Variants in PHACTR1 observed in about 807,000 individuals in gnomAD.
PHACTR1 encodes RPEL repeat containing 1.
In PHACTR1, 16 loss-of-function variants were observed where a neutral mutation model predicts 69.2. The observed-to-expected ratio is 0.23, with a 90% CI of 0.16 to 0.35. The LOEUF (loss-of-function observed/expected upper bound fraction) is 0.35, where lower values mean the gene tolerates loss of function less well. Ranked by LOEUF, PHACTR1 falls within the 10% of genes least tolerant of loss-of-function variation. The probability of loss-of-function intolerance (pLI) is 1.00; values close to 1 mark genes in which losing one functional copy is unlikely to be tolerated. For synonymous variants in PHACTR1, 312 were observed against 284.5 expected, an observed-to-expected ratio of 1.10 and a Z score of -0.97; for missense variants, 510 against 734.7, an observed-to-expected ratio of 0.69 and a Z score of 3.54.
chr6:12,799,566 C>A (rs1773464936), intron 4 of PHACTR1, among the ~76,000 whole-genome samples: 1 of 152,176 alleles, frequency 6.6e-6, no homozygotes, highest in Non-Finnish European at 1.5e-5. Flanking sequence ...AATTACATTT[C>A]TTTTGGGTTG....
chr6:12,998,759 A>C (rs916365116), intron 4 of PHACTR1, among the ~76,000 whole-genome samples: 3 of 152,210 alleles, frequency 2.0e-5, no homozygotes, highest in African/African-American at 7.2e-5. Context: ...GGTACTACAC[A>C]TAAAGCCAAA....
chr6:12,720,251 C>G (rs752722344), intron 3 of PHACTR1, among the ~76,000 whole-genome samples: 6 of 152,192 alleles, frequency 3.9e-5, no homozygotes, highest in African/African-American at 1.2e-4. Flanking sequence ...GTCCATTCGA[C>G]TGGAATGAGA....
intron 8 of PHACTR1, among the ~76,000 whole-genome samples, chr6:13,217,876 A>G (rs1305692387): frequency 6.6e-6 from 1 of 152,216 alleles, no homozygotes; most frequent in Non-Finnish European, 1.5e-5. Flanking sequence ...AGGCACTGCA[A>G]TTTGCAGCAT....
Position 13,051,704 on chromosome 6 carries a change from A to G in PHACTR1, c.251-1661A>G, listed in dbSNP as rs74540944. On this transcript the variant is annotated intron_variant, in intron 4 of 14. Transcript: ENST00000332995. ...CCTCGAGGTCTTCTCCAATGCTGTG[A>G]AGCAGAATTAGTTGCTCTCTCCTCT... Among the ~76,000 whole-genome samples, 13 of 152,320 alleles carry G rather than the reference A, an allele frequency of 8.5e-5. No homozygotes were observed. The East Asian group carries it at 2.3e-3, about 27-fold the overall frequency.
Position 12,876,219 on chromosome 6 carries a change from C to A in PHACTR1, c.250+126429C>A, listed in dbSNP as rs148518683. ...GGCTGGATTTCAGTCATACCTTCTGCAGAACCTCCTGATACAAGGAAAAAA... is the reference window on the plus strand; with the variant it reads ...GGCTGGATTTCAGTCATACCTTCTGAAGAACCTCCTGATACAAGGAAAAAA... On this transcript the variant is annotated intron_variant, in intron 4 of 14. Transcript: ENST00000332995. Among the ~76,000 whole-genome samples the A allele has an allele frequency of 6.8e-4, 104 of 152,322 alleles. 1 individual carries two copies. The highest frequency in any genetic ancestry group is 4.1e-3 in the South Asian group (20 of 4,828).
At chr6:13,200,136 GGCA>G (rs1463860008) in intron 7 of PHACTR1, among the ~76,000 whole-genome samples, 2 of 152,334 alleles carry the variant, frequency 1.3e-5, no homozygotes, top group East Asian at 3.9e-4. Context: ...CCCTGCCTCA[GGCA>G]GCACCATACA....
In PHACTR1 at chr6:13,278,325, G is replaced by A. The variant is rs759030690; in HGVS notation, c.1505G>A (p.Arg502Gln). The A allele has an allele frequency of 4.4e-6, 7 of 1,597,554 alleles. No individual in the cohort carries two copies. Among genetic ancestry groups the A allele is most frequent in the East Asian group, 2.3e-5 (1 of 44,284 alleles). Reference protein sequence around the residue: ...EKREIKRRLTRKLSQRPTVEE... With the variant: ...EKREIKRRLTQKLSQRPTVEE... ...AGAGAGATCAAGAGGAGGCTAACCC[G>A]AAAGGTAGGTGGTTCTCCATGCCAA... is the stretch of plus-strand genomic sequence containing the variant. Residue 502 changes from arginine (R) to glutamine (Q), a missense_variant, in exon 12 of 15, where the codon CGA (arginine) becomes CAA (glutamine). Around this residue, in one of 2 missense-constraint regions of PHACTR1, gnomAD observed 91 missense variants for 203.8 expected, o/e 0.45. Transcript: ENST00000332995.
chr6:13,020,916 A>G (rs554875550), intron 4 of PHACTR1, among the ~76,000 whole-genome samples: 1 of 152,254 alleles, frequency 6.6e-6, no homozygotes, highest in African/African-American at 2.4e-5. Context: ...GCCACATACC[A>G]AGGGCCTGGG....
At chr6:12,965,451 C>CATT (rs60864787) in intron 4 of PHACTR1, among the ~76,000 whole-genome samples, 5,993 of 131,932 alleles carry the variant, frequency 0.045, 465 homozygotes, top group African/African-American at 0.13. Context: ...TATTTTGTGC[C>CATT]TTTTTTTTTT....
chr6:12,953,292 C>T (rs1791511579), intron 4 of PHACTR1, among the ~76,000 whole-genome samples: 1 of 152,146 alleles, frequency 6.6e-6, no homozygotes, highest in Non-Finnish European at 1.5e-5. Context: ...CACTGCACTC[C>T]AGCCTGGGCA....
chr6:13,264,366 C>T (rs887277844), intron 10 of PHACTR1, among the ~76,000 whole-genome samples: 6 of 152,100 alleles, frequency 3.9e-5, no homozygotes, highest in African/African-American at 1.2e-4. Context: ...CTCCCTCCAC[C>T]CCCCACCATC....
At chr6:12,896,652 T>A (rs1233296953) in intron 4 of PHACTR1, among the ~76,000 whole-genome samples, 1 of 152,160 alleles carries the variant, frequency 6.6e-6, no homozygotes, top group Non-Finnish European at 1.5e-5. Context: ...GTAAACAAAG[T>A]AAACAGCAGA....
chr6:13,066,411 C>G (rs570409653), intron 5 of PHACTR1, among the ~76,000 whole-genome samples: 1 of 152,130 alleles, frequency 6.6e-6, no homozygotes, highest in African/African-American at 2.4e-5. Flanking sequence ...CTTATGGATG[C>G]GTAAGATGGA....
At chr6:13,122,593 G>T (rs140748524) in intron 5 of PHACTR1, among the ~76,000 whole-genome samples, 199 of 152,334 alleles carry the variant, frequency 1.3e-3, no homozygotes, top group African/African-American at 4.5e-3. Flanking sequence ...AGTGACAGTT[G>T]TTGAAATGGG....
intron 5 of PHACTR1, among the ~76,000 whole-genome samples, chr6:13,098,610 A>G (rs1344477520): frequency 6.6e-6 from 1 of 151,832 alleles, no homozygotes; most frequent in Non-Finnish European, 1.5e-5. Flanking sequence ...CTCATCATTC[A>G]CCTCCCAGAC....
intron 4 of PHACTR1, among the ~76,000 whole-genome samples, chr6:12,975,452 A>G (rs1723174718): frequency 6.6e-6 from 1 of 152,212 alleles, no homozygotes; most frequent in Admixed American, 6.5e-5. Context: ...TTTTTTCTCT[A>G]TATCCATTCT....
At chr6:12,820,507 A>G (rs764875056) in intron 4 of PHACTR1, among the ~76,000 whole-genome samples, 5 of 152,164 alleles carry the variant, frequency 3.3e-5, no homozygotes, top group Non-Finnish European at 7.4e-5. Context: ...GTCTAAGTAC[A>G]ATGAAAACTT....
chr6:13,217,504 C>G (rs1584000341), intron 8 of PHACTR1, among the ~76,000 whole-genome samples: 1 of 152,088 alleles, frequency 6.6e-6, no homozygotes, highest in Admixed American at 6.6e-5. Flanking sequence ...CTCTGTGTGT[C>G]TTATGGTTTT....
intron 4 of PHACTR1, among the ~76,000 whole-genome samples, chr6:12,798,526 A>AAGACTT: frequency 6.6e-6 from 1 of 152,358 alleles, no homozygotes; most frequent in Admixed American, 6.5e-5. Context: ...TTAAGTAAAT[A>AAGACTT]AAGCATGATA....
Sources: allele counts gnomAD v4.1 joint callset (sites outside exome capture counted in the v4.1 genomes callset), GRCh38; gene constraint gnomAD v4.1.1; regional missense constraint gnomAD v4.1.1; transcripts MANE v1.5; gene names NCBI Gene and HGNC (gene_info 2026-07-23, HGNC 2026-07-21).